CCDC51: variants seen among roughly 807,000 people sequenced by gnomAD.
The protein encoded by CCDC51 is mitochondrial potassium channel.
CCDC51 carries 25 observed loss-of-function variants against 24.8 expected under a neutral mutation model. The observed-to-expected ratio is 1.01, with a 90% CI of 0.73 to 1.41. The LOEUF (loss-of-function observed/expected upper bound fraction) is 1.41. Ranked by LOEUF, CCDC51 falls within the 40% of genes most tolerant of loss-of-function variation. The pLI, the probability that CCDC51 is intolerant of heterozygous loss-of-function variation, is 0.00. For missense variants in CCDC51, 466 were observed against 519.1 expected, an observed-to-expected ratio of 0.90 and a Z score of 0.99; for synonymous variants, 190 against 204.3, an observed-to-expected ratio of 0.93 and a Z score of 0.60.
upstream of CCDC51, among the ~76,000 whole-genome samples, chr3:48,444,850 G>C (rs1002552375): frequency 6.6e-6 from 1 of 152,170 alleles, no homozygotes; most frequent in African/African-American, 2.4e-5. Flanking sequence ...CCCACTTGCT[G>C]GTGGATGGAG....
In CCDC51 at chr3:48,439,974, G is replaced by A. The variant is rs924154645; in HGVS notation, c.-9+14C>T. On this transcript the variant is annotated intron_variant, in intron 1 of 3. Transcript: ENST00000395694. ...CTTGAAGCTCTTTGCACATGCACATGCCCTGCTGTCTACCTGCAGTGCTCT... is the reference window on the plus strand; with the variant it reads ...CTTGAAGCTCTTTGCACATGCACATACCCTGCTGTCTACCTGCAGTGCTCT... The A allele has an allele frequency of 2.2e-6, 1 of 455,704 alleles. No homozygotes were observed. Among genetic ancestry groups the A allele is most frequent in the Non-Finnish European group, 3.9e-6 (1 of 256,756 alleles). 28.2% of individuals were successfully genotyped at this position (455,704 alleles called of 1,614,324 possible).
In CCDC51 at chr3:48,440,085, G is replaced by C. The variant is rs2039515734; in HGVS notation, c.-106C>G. 2 of 770,788 alleles carry C rather than the reference G, an allele frequency of 2.6e-6. No homozygotes were observed. The highest frequency in any genetic ancestry group is 2.0e-6 in the Non-Finnish European group (1 of 496,902). 47.7% of individuals were successfully genotyped at this position (770,788 alleles called of 1,614,324 possible). On this transcript the variant is annotated 5_prime_UTR_variant, in exon 1 of 4. Coordinates refer to ENST00000395694, the MANE Select transcript of CCDC51 (RefSeq NM_001256964.2). Reference sequence around the variant, plus strand: ...ATTCTACCCTGGCAGGACAACCCTAGCTCCTCGTACCTGGCGTGGCCCGAC... The same window carrying C: ...ATTCTACCCTGGCAGGACAACCCTACCTCCTCGTACCTGGCGTGGCCCGAC...
rs536941031 is a variant in CCDC51, at chr3:48,435,525, A to G, written c.-8-389T>C. Among the ~76,000 whole-genome samples, 37 of 152,354 alleles carry G rather than the reference A, an allele frequency of 2.4e-4. No individual in the cohort carries two copies. In the Middle Eastern group the frequency reaches 0.017, roughly 70 times the overall value. On this transcript the variant is annotated intron_variant, in intron 1 of 3. Coordinates refer to ENST00000395694, the MANE Select transcript of CCDC51 (RefSeq NM_001256964.2). This position sits in a 1 kb window ranked among gnomAD's most constrained non-coding sequence, Gnocchi z 4.2. Reference sequence around the variant, plus strand: ...CAGTTTTTAAACCAGACTTGTACACATGCTGACAAAGCCCCACAAAGACGC... The same window carrying G: ...CAGTTTTTAAACCAGACTTGTACACGTGCTGACAAAGCCCCACAAAGACGC...
Position 48,435,281 on chromosome 3 carries a change from G to A in CCDC51, c.-8-145C>T, listed in dbSNP as rs1326155569. ...CACCACCCTGTTGGGCCCAGAGACT[G>A]TGGCCCCTGTGGCAAGAGGATGGTC... On this transcript the variant is annotated intron_variant, in intron 1 of 3. Transcript: ENST00000395694. This position sits in a 1 kb window ranked among gnomAD's most constrained non-coding sequence, Gnocchi z 4.2. 4.5e-6 allele frequency: 3 copies of A among 661,808 alleles called. No individual in the cohort carries two copies. Among genetic ancestry groups the A allele is most frequent in the African/African-American group, 1.8e-5 (1 of 54,926 alleles). The allele number at this position is 661,808 out of a possible 1,614,324, so 41.0% of individuals were successfully genotyped here. A position where few individuals can be genotyped will look rare whatever the true frequency, so the allele number is the denominator to read the frequency against.
At position 48,433,386 on chromosome 3, in the gene CCDC51, G is replaced by T. The variant is rs954828479; in HGVS notation, c.478-220C>A. 7.9e-5 allele frequency among the ~76,000 whole-genome samples: 12 copies of T among 152,316 alleles called. No individual in the cohort carries two copies. Among genetic ancestry groups the T allele is most frequent in the Admixed American group, 7.2e-4 (11 of 15,308 alleles). On this transcript the variant is annotated intron_variant, in intron 3 of 3. Transcript: ENST00000395694. This position sits in a 1 kb window ranked among gnomAD's most constrained non-coding sequence, Gnocchi z 4.4. ...ATGATCGTCCCACCTGAGCAGTTCT[G>T]GGTTTGACCAGAGGTGCACTTATGT...
Position 48,432,342 on chromosome 3 carries a change from A to G in CCDC51, c.*66T>C. The stretch of plus-strand genomic sequence containing the variant: ...GCCCCCAAAGGCTCGCTTCATTGCT[A>G]CGATTCTCTACTTAAATCCACATTC... On this transcript the variant is annotated 3_prime_UTR_variant, in exon 4 of 4. Coordinates refer to ENST00000395694, the MANE Select transcript of CCDC51 (RefSeq NM_001256964.2). 1 of 1,577,758 alleles carries G rather than the reference A, an allele frequency of 6.3e-7. No homozygotes were observed.
chr3:48,434,931 G>A lies in CCDC51; in HGVS notation c.198C>T (p.Ala66=), dbSNP rs1045900789. 4.3e-6 allele frequency: 7 copies of A among 1,614,094 alleles called. No homozygotes were observed. Among genetic ancestry groups the A allele is most frequent in the Non-Finnish European group, 5.1e-6 (6 of 1,180,030 alleles). ...LHHRLPALGR[A]LGHSIQQRAT... The stretch of plus-strand genomic sequence containing the variant: ...CTCGTTGCTGAATGCTGTGCCCCAG[G>A]GCTCTTCCCAGTGCTGGGAGGCGGT... The change falls in exon 2 of 4, where the codon GCC becomes GCT. Residue 66 remains alanine (A), a synonymous_variant. Transcript: ENST00000395694.
chr3:48,435,270 G>T lies in CCDC51; in HGVS notation c.-8-134C>A. ...TCTAAACTGAGCACCACCCTGTTGGGCCCAGAGACTGTGGCCCCTGTGGCA... is the reference window on the plus strand; with the variant it reads ...TCTAAACTGAGCACCACCCTGTTGGTCCCAGAGACTGTGGCCCCTGTGGCA... On this transcript the variant is annotated intron_variant, in intron 1 of 3. Transcript: ENST00000395694. The surrounding 1 kb of genome is among the most constrained non-coding windows in gnomAD (Gnocchi z 4.2). 1.4e-6 allele frequency: 1 copy of T among 727,172 alleles called. No homozygotes were observed. Among genetic ancestry groups the T allele is most frequent in the Non-Finnish European group, 2.2e-6 (1 of 464,572 alleles). 45.0% of individuals were successfully genotyped at this position (727,172 alleles called of 1,614,324 possible). A position where few individuals can be genotyped will look rare whatever the true frequency, so the allele number is the denominator to read the frequency against.
At chr3:48,440,813 C>G (rs1273062210), upstream of CCDC51, 1 of 622,712 alleles carries the variant, frequency 1.6e-6, no homozygotes, top group African/African-American at 1.8e-5. Context: ...GAGCTGGAAA[C>G]GAGGTCTCCT....
chr3:48,440,340 C>T (rs2039526154), upstream of CCDC51: 1 of 1,611,676 alleles, frequency 6.2e-7, no homozygotes, highest in Non-Finnish European at 8.5e-7. Context: ...GTGAGGACTG[C>T]GGGGACGGCG....
chr3:48,441,722 A>C (rs552091225), upstream of CCDC51, among the ~76,000 whole-genome samples: 2 of 152,306 alleles, frequency 1.3e-5, no homozygotes, highest in East Asian at 3.9e-4. Flanking sequence ...CTTTATGTGC[A>C]TCATAAGCAT....
upstream of CCDC51, among the ~76,000 whole-genome samples, chr3:48,441,713 T>C (rs939149476): frequency 2.6e-5 from 4 of 152,218 alleles, no homozygotes; most frequent in African/African-American, 4.8e-5. Context: ...GTTCTAGTAC[T>C]TTATGTGCAT....
upstream of CCDC51, among the ~76,000 whole-genome samples, chr3:48,444,751 GGGCAAAT>G (rs2107175135): frequency 6.6e-6 from 1 of 152,336 alleles, no homozygotes; most frequent in South Asian, 2.1e-4. Context: ...AGGCAGGGCA[GGGCAAAT>G]TACATGATCC....
chr3:48,444,515 T>C (rs1436756120), upstream of CCDC51, among the ~76,000 whole-genome samples: 2 of 152,200 alleles, frequency 1.3e-5, no homozygotes. Context: ...TCAAGTGATC[T>C]GCCTGCTTCA....
chr3:48,443,918 A>AT (rs761586507), upstream of CCDC51: 1 of 1,471,122 alleles, frequency 6.8e-7, no homozygotes, highest in Admixed American at 2.6e-5. Flanking sequence ...GTGACCCTTT[A>AT]TTTCATCTGT....
At chr3:48,442,094 T>TGGC (rs918372289), upstream of CCDC51, among the ~76,000 whole-genome samples, 13 of 152,034 alleles carry the variant, frequency 8.6e-5, no homozygotes, top group African/African-American at 1.4e-4. Flanking sequence ...GTGGTGGTGG[T>TGGC]GGCGGCCCGT....
intron 1 of CCDC51, among the ~76,000 whole-genome samples, chr3:48,436,148 C>T (rs530200522): frequency 3.3e-5 from 5 of 152,144 alleles, no homozygotes; most frequent in Non-Finnish European, 7.3e-5. Flanking sequence ...GGCCAAACCA[C>T]ACCTCAAAGT....
At chr3:48,442,260 CA>C (rs199829895), upstream of CCDC51, among the ~76,000 whole-genome samples, 82,948 of 131,878 alleles carry the variant, frequency 0.63, 23,739 homozygotes, top group East Asian at 0.73. Context: ...GACCCTATCT[CA>C]AAAAAAAAAA....
chr3:48,440,326 A>G (rs377181258), upstream of CCDC51: 32 of 1,611,396 alleles, frequency 2.0e-5, no homozygotes, highest in African/African-American at 2.1e-4. Context: ...AGTGTTCCGG[A>G]ACCGTGAGGA....
Sources: gnomAD v4.1 joint callset for allele counts (sites outside exome capture counted in the v4.1 genomes callset) on GRCh38, gnomAD v4.1.1 for gene constraint, Gnocchi (gnomAD v3.1) non-coding constraint, MANE v1.5 for transcripts, NCBI Gene and HGNC (gene_info 2026-07-23, HGNC 2026-07-21) for gene names.